The following KSR2 variants were observed in gnomAD, a reference collection of about 807,000 sequenced individuals.
KSR2 encodes kinase suppressor of ras 2.
Under a neutral mutation model 107.8 loss-of-function variants are expected in KSR2, and 25 were observed. The ratio of observed to expected loss-of-function variants is 0.23; its 90% confidence interval spans 0.17 to 0.32. KSR2 has a LOEUF of 0.32. KSR2 is among the 10% of genes least tolerant of loss of function. The pLI is 1.00. For synonymous variants in KSR2, 480 were observed against 507.0 expected (o/e 0.95, Z 0.71); for missense variants, 887 against 1,268.9 (o/e 0.70, Z 4.57).
At chr12:117,941,792 A>ATTTTTTTTTTTTTTTTTTT (rs542293863) in intron 1 of KSR2, among the ~76,000 whole-genome samples, 1 of 97,800 alleles carries the variant, frequency 1.0e-5, no homozygotes, top group African/African-American at 4.1e-5. Flanking sequence ...GGCCTGGCTA[A>ATTTTTTTTTTTTTTTTTTT]TTTTTTTTTT....
chr12:117,677,661 T>C (rs1885191492), intron 4 of KSR2, among the ~76,000 whole-genome samples: 1 of 152,192 alleles, frequency 6.6e-6, no homozygotes, highest in South Asian at 2.1e-4. Context: ...TTTAATGGGA[T>C]AGTTACTAGG....
chr12:117,671,831 TG>T (rs914560095), intron 4 of KSR2, among the ~76,000 whole-genome samples: 2 of 113,512 alleles, frequency 1.8e-5, no homozygotes, highest in Non-Finnish European at 3.4e-5. Flanking sequence ...TGCCCAGGAG[TG>T]GGGTGCCCTC....
At chr12:117,865,831 T>C (rs1368559983) in intron 1 of KSR2, among the ~76,000 whole-genome samples, 2 of 152,158 alleles carry the variant, frequency 1.3e-5, no homozygotes, top group Admixed American at 6.6e-5. Context: ...AATAGTAGTG[T>C]TTCCCAACTG....
intron 9 of KSR2, among the ~76,000 whole-genome samples, chr12:117,550,097 T>C (rs940887307): frequency 6.6e-6 from 1 of 152,166 alleles, no homozygotes; most frequent in Admixed American, 6.5e-5. Context: ...TTTCTGAACA[T>C]AGATAAGAGC....
intron 2 of KSR2, among the ~76,000 whole-genome samples, chr12:117,858,710 C>T (rs1262057244): frequency 6.6e-6 from 1 of 152,184 alleles, no homozygotes; most frequent in Middle Eastern, 3.2e-3. Flanking sequence ...GTGCTTCTGA[C>T]CTAAAGCTTT....
chr12:117,761,762 A>G (rs1889037079), intron 3 of KSR2, among the ~76,000 whole-genome samples: 1 of 152,154 alleles, frequency 6.6e-6, no homozygotes, highest in Non-Finnish European at 1.5e-5. Context: ...TACCTGTTAC[A>G]TCGTATGCAT....
At chr12:117,911,846 C>A (rs1895026900) in intron 1 of KSR2, among the ~76,000 whole-genome samples, 1 of 152,224 alleles carries the variant, frequency 6.6e-6, no homozygotes, top group Non-Finnish European at 1.5e-5. Context: ...TTTAAACACT[C>A]CAACATATTG....
chr12:117,607,654 A>AGGAGAGGAGAGGAGAGGAG (rs1881350370), intron 5 of KSR2, among the ~76,000 whole-genome samples: 3 of 118,142 alleles, frequency 2.5e-5, no homozygotes, highest in African/African-American at 7.6e-5. Context: ...GAGGGGAGGA[A>AGGAGAGGAGAGGAGAGGAG]AGGAGAGGAG....
chr12:117,697,467 G>T (rs141493324), intron 4 of KSR2, among the ~76,000 whole-genome samples: 24 of 152,302 alleles, frequency 1.6e-4, no homozygotes, highest in African/African-American at 5.8e-4. Flanking sequence ...TTTCTGCCAG[G>T]CGCTGTGGCC....
rs549881418 is a variant in KSR2 at position 117,803,616 on chromosome 12, T to C, written c.473-42092A>G. Among the ~76,000 whole-genome samples, 596 of 152,070 alleles carry C rather than the reference T, an allele frequency of 3.9e-3. 1 individual carries two copies. The highest frequency in any genetic ancestry group is 5.8e-3 in the Non-Finnish European group (391 of 67,982). ...TACTCGGTAGGCTGAGGCAGGAGAA[T>C]GGCATGAACCCGGGAGGCGGAGCTT... On this transcript the variant is annotated intron_variant, in intron 3 of 19. Transcript: ENST00000339824.
At chr12:117,860,106 T>A (rs1326822943) in intron 2 of KSR2, among the ~76,000 whole-genome samples, 185 bp downstream of exon 2, 1 of 152,220 alleles carries the variant, frequency 6.6e-6, no homozygotes, top group Non-Finnish European at 1.5e-5. Context: ...GGAAGCACAC[T>A]CTCAATGACC....
At chr12:117,589,827 T>A (rs1880216033) in intron 5 of KSR2, among the ~76,000 whole-genome samples, 1 of 152,236 alleles carries the variant, frequency 6.6e-6, no homozygotes, top group Non-Finnish European at 1.5e-5. Flanking sequence ...CAGGGCCAAG[T>A]GCTTCTTCAT....
chr12:117,526,136 A>G (rs1179582196), intron 13 of KSR2, among the ~76,000 whole-genome samples: 1 of 152,236 alleles, frequency 6.6e-6, no homozygotes. Flanking sequence ...GGCCCCACCC[A>G]GCACTATTGG....
chr12:117,719,907 G>C (rs2136683962), intron 4 of KSR2, among the ~76,000 whole-genome samples: 1 of 152,280 alleles, frequency 6.6e-6, no homozygotes, highest in East Asian at 1.9e-4. Flanking sequence ...TGGGGGCGAA[G>C]GGCAATGCTT....
chr12:117,758,708 G>A (rs1028849415), intron 4 of KSR2, among the ~76,000 whole-genome samples: 1 of 152,206 alleles, frequency 6.6e-6, no homozygotes, highest in South Asian at 2.1e-4. Context: ...TCCTTCAGGG[G>A]TCTAGGGAAA....
Position 117,531,008 on chromosome 12 carries a change from C to T in KSR2, c.1735G>A (p.Val579Met), listed in dbSNP as rs1306706306. The change falls in exon 12 of 20, where the codon GTG becomes ATG. Residue 579 changes from valine to methionine, a missense_variant. By Grantham distance (21) the Val-to-Met change is conservative. Coordinates refer to ENST00000339824, the MANE Select transcript of KSR2 (RefSeq NM_173598.6). ...CGGGTCGGCGTCTCCGGCACCGGCACCACATCTGAAAACCAGAGATTGAAC... is the reference window on the plus strand; with the variant it reads ...CGGGTCGGCGTCTCCGGCACCGGCATCACATCTGAAAACCAGAGATTGAAC... ...YKQQFIFPDV[V>M]PVPETPTRAP... 2 of 1,613,416 alleles carry T rather than the reference C, an allele frequency of 1.2e-6. No homozygotes were observed. Among genetic ancestry groups the T allele is most frequent in the African/African-American group, 1.3e-5 (1 of 75,020 alleles).
At chr12:117,912,178 G>C (rs996349672) in intron 1 of KSR2, among the ~76,000 whole-genome samples, 3 of 152,178 alleles carry the variant, frequency 2.0e-5, no homozygotes, top group African/African-American at 7.2e-5. Flanking sequence ...GGATTTCTCA[G>C]AGCCATTATG....
At chr12:117,511,670 T>A (rs925989379) in intron 14 of KSR2, among the ~76,000 whole-genome samples, 2 of 152,258 alleles carry the variant, frequency 1.3e-5, no homozygotes, top group African/African-American at 4.8e-5. Context: ...GCTCAAGGAA[T>A]CTGTTTCCCT....
At chr12:117,798,720 A>ATATGT (rs1555242304) in intron 3 of KSR2, among the ~76,000 whole-genome samples, 1 of 120,166 alleles carries the variant, frequency 8.3e-6, no homozygotes, top group Admixed American at 8.0e-5. Flanking sequence ...AAAAAAAAAA[A>ATATGT]ATATATATAT....
Sources: gnomAD v4.1 joint callset for allele counts (sites outside exome capture counted in the v4.1 genomes callset) on GRCh38, gnomAD v4.1.1 for gene constraint, MANE v1.5 for transcripts, NCBI Gene and HGNC (gene_info 2026-07-23, HGNC 2026-07-21) for gene names.